The following RASA1 variants were observed in gnomAD, a reference collection of about 807,000 sequenced individuals.
RASA1 encodes ras GTPase-activating protein 1.
Under a neutral mutation model 132.2 loss-of-function variants are expected in RASA1, and 25 were observed. That is an observed-to-expected ratio of 0.19 (90% CI 0.14 to 0.26). The LOEUF is 0.26. RASA1 is among the 10% of genes least tolerant of loss of function. RASA1 has a pLI of 1.00. For missense variants in RASA1, 964 were observed against 1,299.2 expected (o/e 0.74, Z 3.97); for synonymous variants, 477 against 449.9 (o/e 1.06, Z -0.76).
intron 1 of RASA1, among the ~76,000 whole-genome samples, chr5:87,274,541 A>C (rs1029372608): frequency 3.9e-5 from 6 of 152,154 alleles, no homozygotes; most frequent in African/African-American, 1.4e-4. Context: ...TAGCAGAGAA[A>C]TATAGTAGGT....
At chr5:87,386,119 T>C (rs965883576) in intron 22 of RASA1, among the ~76,000 whole-genome samples, 2 of 152,074 alleles carry the variant, frequency 1.3e-5, no homozygotes, top group African/African-American at 4.8e-5. Flanking sequence ...TTTTTTCTTT[T>C]TTGCCAATTG....
At chr5:87,379,646 C>T in intron 18 of RASA1, 89 bp from the exon 19 acceptor site, 3 of 1,518,284 alleles carry the variant, frequency 2.0e-6, no homozygotes, top group Non-Finnish European at 2.7e-6. Flanking sequence ...AAATAGACAA[C>T]CTCGAAAACT....
At chr5:87,376,350 G>A (rs572587371) in intron 15 of RASA1, 43 bp from the exon 16 acceptor site, 29 of 1,605,226 alleles carry the variant, frequency 1.8e-5, no homozygotes, top group Middle Eastern at 1.7e-4. Context: ...ACTAATTATC[G>A]TGTTCTCTTT....
intron 1 of RASA1, among the ~76,000 whole-genome samples, chr5:87,274,188 A>C (rs1029032338): frequency 1.3e-5 from 2 of 152,170 alleles, no homozygotes; most frequent in African/African-American, 2.4e-5. Flanking sequence ...TTGCTATTGC[A>C]GTATTTGCCT....
intron 9 of RASA1, among the ~76,000 whole-genome samples, chr5:87,357,393 C>G (rs1266214513): frequency 1.3e-5 from 2 of 152,046 alleles, no homozygotes; most frequent in Non-Finnish European, 2.9e-5. Context: ...AATTCTAATT[C>G]CCCTTGGCTC....
At chr5:87,387,621 G>C (rs1762152938) in intron 23 of RASA1, among the ~76,000 whole-genome samples, 1 of 152,084 alleles carries the variant, frequency 6.6e-6, no homozygotes, top group African/African-American at 2.4e-5. Context: ...GGGAGTGCTA[G>C]GATTGGAGAT....
chr5:87,271,015 GATCACCTGA>G (rs1376200028), intron 1 of RASA1, among the ~76,000 whole-genome samples: 1 of 152,144 alleles, frequency 6.6e-6, no homozygotes, highest in Non-Finnish European at 1.5e-5. Flanking sequence ...GAGGCGGGTG[GATCACCTGA>G]AGTCCGGAGT....
At chr5:87,304,127 G>A (rs918578943) in intron 1 of RASA1, among the ~76,000 whole-genome samples, 6 of 151,888 alleles carry the variant, frequency 4.0e-5, no homozygotes, top group Non-Finnish European at 5.9e-5. Context: ...GAGCCACTGC[G>A]CCCAGCTGAT....
In RASA1 at chr5:87,333,290, A is replaced by T; in HGVS notation, c.852A>T (p.Val284=). ...AGCCAGTAGAAGATAGAAGGCGTGT[A>T]CGAGCTATTCTACCTTACACAAAAG... is the stretch of plus-strand genomic sequence containing the variant. The part of the protein sequence containing the change: ...PPEPVEDRRR[V]RAILPYTKVP... The change falls in exon 4 of 25, where the codon GTA becomes GTT. Residue 284 remains valine (V), a synonymous_variant. Coordinates refer to ENST00000274376, the MANE Select transcript of RASA1 (RefSeq NM_002890.3). 1 of 1,613,276 alleles carries T rather than the reference A, an allele frequency of 6.2e-7. No individual in the cohort carries two copies. The highest frequency in any genetic ancestry group is 8.5e-7 in the Non-Finnish European group (1 of 1,179,552).
At chr5:87,349,455 G>A in intron 8 of RASA1, 91 bp downstream of exon 8, 1 of 1,422,798 alleles carries the variant, frequency 7.0e-7, no homozygotes, top group Non-Finnish European at 9.6e-7. Context: ...TTATATAAAA[G>A]TTTCTAACTT....
intron 1 of RASA1, among the ~76,000 whole-genome samples, chr5:87,325,718 AG>A (rs1757181004): frequency 6.6e-6 from 1 of 152,220 alleles, no homozygotes; most frequent in African/African-American, 2.4e-5. Context: ...TTTTTATAAA[AG>A]GAACTCTATT....
chr5:87,385,010 T>C (rs1480126408), intron 21 of RASA1, among the ~76,000 whole-genome samples: 1 of 152,002 alleles, frequency 6.6e-6, no homozygotes, highest in Non-Finnish European at 1.5e-5. Context: ...AGCTTTGAGG[T>C]CCTTTGAAAT....
At chr5:87,378,227 G>A (rs1761454735) in intron 17 of RASA1, among the ~76,000 whole-genome samples, 169 bp from the exon 18 acceptor site, 1 of 152,182 alleles carries the variant, frequency 6.6e-6, no homozygotes, top group Admixed American at 6.5e-5. Flanking sequence ...ACAGAGTTAA[G>A]TCTGTAGAAG....
intron 11 of RASA1, among the ~76,000 whole-genome samples, chr5:87,365,573 A>G (rs553669239): frequency 6.6e-6 from 1 of 152,290 alleles, no homozygotes; most frequent in Non-Finnish European, 1.5e-5. Context: ...TGAAAAGAAC[A>G]TAATGAATTT....
intron 11 of RASA1, chr5:87,366,325 T>G (rs1760512503): frequency 2.6e-6 from 1 of 388,042 alleles, no homozygotes; most frequent in Non-Finnish European, 5.3e-6. Flanking sequence ...GCTTTAGCAT[T>G]ATTTTGATAT....
chr5:87,331,485 T>C lies in RASA1; in HGVS notation c.677T>C (p.Val226Ala). ...CTTTCATTTCTTAGCCAGATGAATGTTGTCAACCATTTTAGGTAAGTCTTT... is the reference window on the plus strand; with the variant it reads ...CTTTCATTTCTTAGCCAGATGAATGCTGTCAACCATTTTAGGTAAGTCTTT... ...FVLSFLSQMN[V>A]VNHFRIIAMC... is the part of the protein sequence containing the mutation. Residue 226 changes from valine to alanine, a missense_variant, in exon 2 of 25, where the codon GTT (valine) becomes GCT (alanine). Coordinates refer to ENST00000274376, the MANE Select transcript of RASA1 (RefSeq NM_002890.3). 6.2e-7 allele frequency: 1 copy of C among 1,613,852 alleles called. No individual in the cohort carries two copies. The highest frequency in any genetic ancestry group is 2.2e-5 in the East Asian group (1 of 44,840).
intron 20 of RASA1, among the ~76,000 whole-genome samples, 180 bp from the exon 21 acceptor site, chr5:87,383,533 C>G (rs879662466): frequency 6.6e-6 from 1 of 151,970 alleles, no homozygotes; most frequent in Non-Finnish European, 1.5e-5. Context: ...TCTTAAAATA[C>G]GATGCTTTGG....
intron 6 of RASA1, among the ~76,000 whole-genome samples, chr5:87,343,084 C>A (rs890627568): frequency 6.6e-6 from 1 of 152,038 alleles, no homozygotes; most frequent in African/African-American, 2.4e-5. Flanking sequence ...CCTTTAATTT[C>A]CTAATATAGG....
chr5:87,358,642 G>C (rs564854344), intron 9 of RASA1, among the ~76,000 whole-genome samples: 1 of 152,252 alleles, frequency 6.6e-6, no homozygotes, highest in South Asian at 2.1e-4. Flanking sequence ...TTACTCCTCT[G>C]TTTTAATACT....
Sources: allele counts gnomAD v4.1 joint callset (sites outside exome capture counted in the v4.1 genomes callset), GRCh38; gene constraint gnomAD v4.1.1; transcripts MANE v1.5; gene names NCBI Gene and HGNC (gene_info 2026-07-23, HGNC 2026-07-21).